XKR4: variants seen among roughly 807,000 people sequenced by gnomAD.
The protein encoded by XKR4 is XK-related protein 4.
In XKR4, 12 loss-of-function variants were observed where a neutral mutation model predicts 53.9. That is an observed-to-expected ratio of 0.22 (90% confidence interval 0.14 to 0.36). The LOEUF (loss-of-function observed/expected upper bound fraction) is 0.36. XKR4 is among the 10% of genes least tolerant of loss of function. The pLI is 1.00. For synonymous variants in XKR4, 354 were observed against 362.4 expected (o/e 0.98, Z 0.26); for missense variants, 799 against 859.5 (o/e 0.93, Z 0.88).
At chr8:55,397,686 C>G (rs1804541728) in intron 2 of XKR4, among the ~76,000 whole-genome samples, 1 of 152,140 alleles carries the variant, frequency 6.6e-6, no homozygotes, top group South Asian at 2.1e-4. Flanking sequence ...GCACACGACT[C>G]CCAAGCCCGT....
At chr8:55,140,744 G>A (rs1449582745) in intron 1 of XKR4, among the ~76,000 whole-genome samples, 1 of 152,102 alleles carries the variant, frequency 6.6e-6, no homozygotes, top group Admixed American at 6.6e-5. Flanking sequence ...TGGATTCGTG[G>A]GCCCATCCTG....
chr8:55,130,765 GAC>G (rs1236580898), intron 1 of XKR4, among the ~76,000 whole-genome samples: 1 of 152,154 alleles, frequency 6.6e-6, no homozygotes, highest in African/African-American at 2.4e-5. Context: ...GTGTGGACAT[GAC>G]ACAAGTTTCT....
intron 1 of XKR4, among the ~76,000 whole-genome samples, chr8:55,127,629 C>T (rs1303796540): frequency 2.0e-5 from 3 of 150,806 alleles, no homozygotes; most frequent in Admixed American, 6.6e-5. Flanking sequence ...ATGTGCACAA[C>T]GTGCAGGTTT....
intron 1 of XKR4, among the ~76,000 whole-genome samples, chr8:55,105,991 C>T (rs1425439682): frequency 6.6e-6 from 1 of 152,092 alleles, no homozygotes; most frequent in Non-Finnish European, 1.5e-5. Context: ...TAGAAGCATC[C>T]CTGTGCCTCT....
chr8:55,495,333 G>A (rs903858443), intron 2 of XKR4, among the ~76,000 whole-genome samples: 1 of 152,138 alleles, frequency 6.6e-6, no homozygotes, highest in African/African-American at 2.4e-5. Context: ...TGGAGCTGCA[G>A]CAGAGTGGCT....
intron 2 of XKR4, among the ~76,000 whole-genome samples, chr8:55,461,665 T>C (rs537604368): frequency 6.6e-6 from 1 of 152,064 alleles, no homozygotes; most frequent in Non-Finnish European, 1.5e-5. Flanking sequence ...CTTCAGAACA[T>C]CAAACTACTC....
chr8:55,311,562 G>A (rs1289499997), intron 1 of XKR4, among the ~76,000 whole-genome samples: 1 of 152,048 alleles, frequency 6.6e-6, no homozygotes, highest in African/African-American at 2.4e-5. Context: ...TTAATTTGTA[G>A]GCTCTTAGGG....
chr8:55,164,669 GA>G (rs1817040139), intron 1 of XKR4: 1 of 315,274 alleles, frequency 3.2e-6, no homozygotes, highest in African/African-American at 2.2e-5. Context: ...TTTACAGGGG[GA>G]AAGAGACCAA....
chr8:55,421,193 A>G (rs1804923342), intron 2 of XKR4, among the ~76,000 whole-genome samples: 1 of 152,246 alleles, frequency 6.6e-6, no homozygotes, highest in Non-Finnish European at 1.5e-5. Context: ...AAGTGCTTTC[A>G]CATATGTTAT....
At chr8:55,445,353 G>A (rs1248237488) in intron 2 of XKR4, among the ~76,000 whole-genome samples, 3 of 152,132 alleles carry the variant, frequency 2.0e-5, no homozygotes, top group East Asian at 1.9e-4. Flanking sequence ...CACCATGCCC[G>A]GCCACATGTG....
At chr8:55,233,277 C>T (rs993462747) in intron 1 of XKR4, among the ~76,000 whole-genome samples, 4 of 152,210 alleles carry the variant, frequency 2.6e-5, no homozygotes, top group South Asian at 2.1e-4. Context: ...CAGTTTTCTA[C>T]AATGAATAAA....
At chr8:55,448,327 C>A (rs1215870911) in intron 2 of XKR4, among the ~76,000 whole-genome samples, 1 of 152,138 alleles carries the variant, frequency 6.6e-6, no homozygotes, top group Non-Finnish European at 1.5e-5. Context: ...TGCACAAGTA[C>A]CAATCAATGA....
chr8:55,335,362 C>G (rs957975313), intron 1 of XKR4, among the ~76,000 whole-genome samples: 1 of 152,020 alleles, frequency 6.6e-6, no homozygotes, highest in Non-Finnish European at 1.5e-5. Context: ...AAAAAAAAAT[C>G]TTTATGTGAA....
At chr8:55,335,341 T>C (rs1803444685) in intron 1 of XKR4, among the ~76,000 whole-genome samples, 1 of 152,244 alleles carries the variant, frequency 6.6e-6, no homozygotes, top group South Asian at 2.1e-4. Context: ...TGAAGTACTA[T>C]GCAGCAGTTT....
At chr8:55,518,611 A>G (rs1057012077) in intron 2 of XKR4, among the ~76,000 whole-genome samples, 8 of 152,220 alleles carry the variant, frequency 5.3e-5, no homozygotes, top group African/African-American at 1.9e-4. Context: ...GTTGTCACCT[A>G]CAGCCAGATT....
chr8:55,319,753 T>C (rs1803180039), intron 1 of XKR4, among the ~76,000 whole-genome samples: 1 of 152,250 alleles, frequency 6.6e-6, no homozygotes, highest in Non-Finnish European at 1.5e-5. Context: ...CTTTAGTCTT[T>C]ACAATTCTAG....
At position 55,189,094 on chromosome 8, in the gene XKR4, C is replaced by T. The variant is rs147714806; in HGVS notation, c.806+85800C>T. Among the ~76,000 whole-genome samples the T allele has an allele frequency of 7.0e-3, 1,061 of 152,214 alleles. 11 individuals are homozygous for T. Among genetic ancestry groups the T allele is most frequent in the Non-Finnish European group, 8.0e-3 (546 of 68,014 alleles). On this transcript the variant is annotated intron_variant, in intron 1 of 2. Coordinates refer to ENST00000327381, the MANE Select transcript of XKR4 (RefSeq NM_052898.2). ...TGGAGTCTTGAACTTCTCTCTCTGC[C>T]CTACTACATCCTGGGCTCCTAAGTT...
chr8:55,163,568 G>A (rs1817016930), intron 1 of XKR4, among the ~76,000 whole-genome samples: 1 of 152,184 alleles, frequency 6.6e-6, no homozygotes. Context: ...ATATTAGAAT[G>A]GGCATGGTGG....
chr8:55,173,626 C>T (rs953091354), intron 1 of XKR4, among the ~76,000 whole-genome samples: 2 of 152,164 alleles, frequency 1.3e-5, no homozygotes, highest in Non-Finnish European at 2.9e-5. Context: ...CTGCCTAGCA[C>T]AGTGCCAGGC....
Sources: gnomAD v4.1 joint callset for allele counts (sites outside exome capture counted in the v4.1 genomes callset) on GRCh38, gnomAD v4.1.1 for gene constraint, MANE v1.5 for transcripts, NCBI Gene and HGNC (gene_info 2026-07-23, HGNC 2026-07-21) for gene names.